Variants in RAPGEF2 observed in about 807,000 individuals in gnomAD.
RAPGEF2 encodes Rap guanine nucleotide exchange factor 2.
RAPGEF2 carries 54 observed loss-of-function variants against 186.7 expected under a neutral mutation model. The observed-to-expected ratio is 0.29, with a 90% CI of 0.23 to 0.36. The LOEUF is 0.36. RAPGEF2 is among the 10% of genes least tolerant of loss of function. RAPGEF2 has a pLI of 1.00. For synonymous variants in RAPGEF2, 712 were observed against 705.9 expected, an observed-to-expected ratio of 1.01 and a Z score of -0.14; for missense variants, 1,532 against 2,045.0, an observed-to-expected ratio of 0.75 and a Z score of 4.84.
Position 159,355,856 on chromosome 4 carries a change from G to A in RAPGEF2, c.4655G>A (p.Arg1552Gln), listed in dbSNP as rs1463939659. ...TGGTGCATTGTTTCTACTCTAGCACGAAAGGAGGGCAGGTATCGAGAGCCC... is the reference window on the plus strand; with the variant it reads ...TGGTGCATTGTTTCTACTCTAGCACAAAAGGAGGGCAGGTATCGAGAGCCC... ...ASSTTKGLIA[R>Q]KEGRYREPPP... Residue 1552 changes from arginine (R) to glutamine (Q), a missense_variant, in exon 29 of 30, where the codon CGA (arginine) becomes CAA (glutamine). By Grantham distance (43) the Arg-to-Gln change is conservative. Transcript: ENST00000691494. The A allele has an allele frequency of 3.2e-6, 5 of 1,544,872 alleles. No individual in the cohort carries two copies. Among genetic ancestry groups the A allele is most frequent in the South Asian group, 1.2e-5 (1 of 83,868 alleles).
At chr4:159,250,660 CTCT>C (rs1317780559) in intron 7 of RAPGEF2, among the ~76,000 whole-genome samples, 1 of 133,232 alleles carries the variant, frequency 7.5e-6, no homozygotes, top group Non-Finnish European at 1.5e-5. Context: ...ATTATTAGCA[CTCT>C]TCTTTTTTTT....
At chr4:159,179,020 T>C (rs575085163) in intron 1 of RAPGEF2, among the ~76,000 whole-genome samples, 4 of 152,344 alleles carry the variant, frequency 2.6e-5, no homozygotes, top group Admixed American at 2.6e-4. Context: ...AATATCTTTG[T>C]CCAATGTGCT....
intron 7 of RAPGEF2, among the ~76,000 whole-genome samples, chr4:159,252,818 A>T (rs72699366): frequency 0.016 from 2,467 of 152,342 alleles, 33 homozygotes; most frequent in Non-Finnish European, 0.026. Context: ...TTCTAAAAAA[A>T]ATTTTTGGCT....
chr4:159,223,669 G>GA (rs1751746064), intron 4 of RAPGEF2, among the ~76,000 whole-genome samples: 1 of 152,224 alleles, frequency 6.6e-6, no homozygotes, highest in East Asian at 1.9e-4. Context: ...GGATGAACGT[G>GA]TATATACTCT....
intron 19 of RAPGEF2, among the ~76,000 whole-genome samples, chr4:159,341,297 T>C (rs1027779799): frequency 6.6e-6 from 1 of 152,184 alleles, no homozygotes; most frequent in Admixed American, 6.5e-5. Context: ...ACTTCAGAAA[T>C]CAGGAAAAGA....
intron 26 of RAPGEF2, 114 bp downstream of exon 26, chr4:159,350,403 C>A: frequency 1.1e-6 from 1 of 916,378 alleles, no homozygotes; most frequent in Non-Finnish European, 1.5e-6. Flanking sequence ...TTAAGATGAG[C>A]TCATTTGCAA....
intron 11 of RAPGEF2, chr4:159,327,773 T>C (rs898600214): frequency 3.9e-5 from 6 of 152,186 alleles, no homozygotes; most frequent in African/African-American, 1.4e-4. Context: ...AAGTTGCTTA[T>C]TTAAAAAAGA....
At chr4:159,308,718 T>C (rs938459275) in intron 8 of RAPGEF2, among the ~76,000 whole-genome samples, 4 of 152,168 alleles carry the variant, frequency 2.6e-5, no homozygotes, top group Non-Finnish European at 5.9e-5. Context: ...GAGGAATTCA[T>C]GAGTGAATTC....
chr4:159,158,352 A>C (rs1488754692), intron 1 of RAPGEF2, among the ~76,000 whole-genome samples: 1 of 152,200 alleles, frequency 6.6e-6, no homozygotes, highest in Non-Finnish European at 1.5e-5. Flanking sequence ...AAAGGAAGAC[A>C]TATCCCTTTC....
chr4:159,186,928 G>A (rs1747615215), intron 2 of RAPGEF2, among the ~76,000 whole-genome samples: 1 of 151,938 alleles, frequency 6.6e-6, no homozygotes, highest in Admixed American at 6.6e-5. Context: ...TCATTTCTTT[G>A]TGTTATAGCA....
intron 5 of RAPGEF2, chr4:159,240,897 C>A: frequency 9.9e-6 from 2 of 202,778 alleles, no homozygotes; most frequent in East Asian, 9.1e-5. Context: ...CCTGTGAGAT[C>A]TTTCACTAAT....
chr4:159,330,279 GTGTGTGTGTGTGTGTGTA>G, intron 12 of RAPGEF2, 37 bp from the exon 13 acceptor site: 1 of 835,028 alleles, frequency 1.2e-6, no homozygotes, highest in Non-Finnish European at 1.9e-6. Flanking sequence ...GTGTGTGTGT[GTGTGTGTGTGTGTGTGTA>G]TATATATGTA....
intron 7 of RAPGEF2, among the ~76,000 whole-genome samples, chr4:159,282,244 A>G (rs1213157526): frequency 6.6e-6 from 1 of 152,108 alleles, no homozygotes; most frequent in East Asian, 1.9e-4. Flanking sequence ...ATAGAACATG[A>G]TTTTCTGTTG....
chr4:159,281,247 C>T (rs1426860302), intron 7 of RAPGEF2, among the ~76,000 whole-genome samples: 8 of 152,038 alleles, frequency 5.3e-5, no homozygotes, highest in East Asian at 1.9e-4. Context: ...GCCTTGGCCT[C>T]CCAAAATGCT....
At chr4:159,345,647 C>CT (rs778835907) in intron 24 of RAPGEF2, among the ~76,000 whole-genome samples, 20 of 152,172 alleles carry the variant, frequency 1.3e-4, no homozygotes, top group Non-Finnish European at 2.4e-4. Flanking sequence ...ATTTACATGT[C>CT]TTACGTTCTC....
At chr4:159,201,776 A>C (rs1196811097) in intron 3 of RAPGEF2, among the ~76,000 whole-genome samples, 1 of 152,162 alleles carries the variant, frequency 6.6e-6, no homozygotes, top group Non-Finnish European at 1.5e-5. Context: ...CAGATACAGG[A>C]AAATAAAGGT....
At chr4:159,167,934 C>T (rs1745500172) in intron 1 of RAPGEF2, among the ~76,000 whole-genome samples, 2 of 152,158 alleles carry the variant, frequency 1.3e-5, no homozygotes, top group Admixed American at 1.3e-4. Flanking sequence ...GATTTACTAA[C>T]ATTTTTCTAT....
At chr4:159,266,524 A>G (rs557487590) in intron 7 of RAPGEF2, among the ~76,000 whole-genome samples, 3 of 152,302 alleles carry the variant, frequency 2.0e-5, no homozygotes, top group East Asian at 1.9e-4. Flanking sequence ...ATAATAGAAT[A>G]ATGTATCCGC....
intron 17 of RAPGEF2, 34 bp from the exon 18 acceptor site, chr4:159,338,277 T>G: frequency 1.3e-6 from 2 of 1,583,352 alleles, no homozygotes; most frequent in Non-Finnish European, 1.7e-6. Flanking sequence ...CTTTTTAACT[T>G]GTTGATAATT....
Sources: gnomAD v4.1 joint callset for allele counts (sites outside exome capture counted in the v4.1 genomes callset) on GRCh38, gnomAD v4.1.1 for gene constraint, MANE v1.5 for transcripts, NCBI Gene and HGNC (gene_info 2026-07-23, HGNC 2026-07-21) for gene names.